Variants in STON2 observed in about 807,000 individuals in gnomAD.
STON2 encodes stonin 2.
A neutral mutation model predicts 65.7 loss-of-function variants in STON2; 29 were observed. The observed-to-expected ratio is 0.44, with a 90% CI of 0.33 to 0.60. The LOEUF is 0.60. Ranked by LOEUF, STON2 falls within the 20% of genes least tolerant of loss-of-function variation. The pLI is 0.03. For synonymous variants in STON2, 404 were observed against 414.2 expected (o/e 0.98, Z 0.30); for missense variants, 1,054 against 1,118.1 (o/e 0.94, Z 0.82).
intron 2 of STON2, among the ~76,000 whole-genome samples, chr14:81,415,420 G>C (rs1283219672): frequency 6.6e-6 from 1 of 152,008 alleles, no homozygotes; most frequent in Non-Finnish European, 1.5e-5. Context: ...ACAATTCATT[G>C]ACTCATTCAT....
At position 81,278,214 on chromosome 14, in the gene STON2, G is replaced by C; in HGVS notation, c.1268C>G (p.Ala423Gly). 6.2e-7 allele frequency: 1 copy of C among 1,614,174 alleles called. No homozygotes were observed. Among genetic ancestry groups the C allele is most frequent in the Non-Finnish European group, 8.5e-7 (1 of 1,180,032 alleles). The change falls in exon 6 of 8, where the codon GCC (alanine) becomes GGC (glycine). Residue 423 changes from alanine (A) to glycine (G), a missense_variant. Transcript: ENST00000614646. ...RDSLIVIYQD[A>G]ISFDDSSKTQ... Reference sequence around the variant, plus strand: ...TTTGCTTGAATCATCAAAACTGATGGCATCCTGGTAGATGACAATGAGGGA... The same window carrying C: ...TTTGCTTGAATCATCAAAACTGATGCCATCCTGGTAGATGACAATGAGGGA...
intron 2 of STON2, among the ~76,000 whole-genome samples, chr14:81,422,596 T>C (rs1369549687): frequency 1.3e-5 from 2 of 152,102 alleles, no homozygotes; most frequent in Admixed American, 6.5e-5. Context: ...TGAGTGTGCT[T>C]GAGAAAGGAG....
intron 4 of STON2, among the ~76,000 whole-genome samples, chr14:81,365,957 T>C (rs59889460): frequency 0.022 from 3,410 of 152,238 alleles, 142 homozygotes; most frequent in African/African-American, 0.077. Flanking sequence ...CTACCCTGAC[T>C]GGTGAAAATA....
At chr14:81,422,165 C>G (rs1388822777) in intron 2 of STON2, among the ~76,000 whole-genome samples, 1 of 152,126 alleles carries the variant, frequency 6.6e-6, no homozygotes, top group African/African-American at 2.4e-5. Context: ...TGGTGGGGCT[C>G]AGTAAGAGGT....
intron 5 of STON2, among the ~76,000 whole-genome samples, chr14:81,301,814 A>G (rs1437167090): frequency 7.3e-6 from 1 of 137,274 alleles, no homozygotes; most frequent in East Asian, 2.1e-4. Flanking sequence ...TAGTTTTTGA[A>G]CAAATAACTG....
intron 5 of STON2, among the ~76,000 whole-genome samples, chr14:81,310,383 G>T (rs1178541436): frequency 6.6e-6 from 1 of 152,074 alleles, no homozygotes; most frequent in Non-Finnish European, 1.5e-5. Context: ...CTCAAAATGG[G>T]TCATTTAATT....
At chr14:81,372,458 C>A (rs1347815035) in intron 3 of STON2, among the ~76,000 whole-genome samples, 1 of 151,072 alleles carries the variant, frequency 6.6e-6, no homozygotes. Context: ...GGGAGGCTGA[C>A]ACACAAGAAC....
intron 4 of STON2, among the ~76,000 whole-genome samples, chr14:81,332,221 G>C (rs904299717): frequency 4.1e-4 from 62 of 152,328 alleles, no homozygotes; most frequent in Non-Finnish European, 2.8e-4. Flanking sequence ...GTCTCTGAAA[G>C]TTATGAGAAT....
At chr14:81,301,440 A>C (rs1034967872) in intron 5 of STON2, among the ~76,000 whole-genome samples, 5 of 152,214 alleles carry the variant, frequency 3.3e-5, no homozygotes, top group African/African-American at 7.2e-5. Flanking sequence ...CAACAACCAC[A>C]ATACAGCAAA....
intron 5 of STON2, among the ~76,000 whole-genome samples, chr14:81,318,822 C>T (rs1326583488): frequency 6.6e-6 from 1 of 152,200 alleles, no homozygotes; most frequent in East Asian, 1.9e-4. Flanking sequence ...GCCTGGATGA[C>T]AGAGTGAGAC....
intron 4 of STON2, among the ~76,000 whole-genome samples, chr14:81,362,567 T>A (rs1011348926): frequency 6.6e-6 from 1 of 152,194 alleles, no homozygotes; most frequent in African/African-American, 2.4e-5. Context: ...CTTGAAAATA[T>A]ATTACATGGT....
chr14:81,343,078 C>T (rs912291606), intron 4 of STON2, among the ~76,000 whole-genome samples: 3 of 152,006 alleles, frequency 2.0e-5, no homozygotes, highest in South Asian at 2.1e-4. Context: ...ATACCAGTAC[C>T]GAGGGTTTAG....
Position 81,264,801 on chromosome 14 carries a change from A to C in STON2, c.*3613T>G, listed in dbSNP as rs1894292337. On this transcript the variant is annotated 3_prime_UTR_variant, in exon 8 of 8. Coordinates refer to ENST00000614646, the MANE Select transcript of STON2 (RefSeq NM_001394390.1). ...ATGAATGAAATGCAAACTTTTGATA[A>C]GGAATAACTAGTACTATGTCTGCAA... 1.0e-6 allele frequency: 1 copy of C among 985,342 alleles called. No homozygotes were observed. The highest frequency in any genetic ancestry group is 1.2e-6 in the Non-Finnish European group (1 of 829,948). 61.0% of individuals were successfully genotyped at this position (985,342 alleles called of 1,614,324 possible). A position where few individuals can be genotyped will look rare whatever the true frequency, so the allele number is the denominator to read the frequency against.
intron 3 of STON2, among the ~76,000 whole-genome samples, chr14:81,372,716 G>C (rs545362651): frequency 6.6e-6 from 1 of 152,178 alleles, no homozygotes; most frequent in South Asian, 2.1e-4. Flanking sequence ...CAAATGTCTT[G>C]TTTCATCCAT....
intron 5 of STON2, among the ~76,000 whole-genome samples, chr14:81,295,250 G>A (rs920763227): frequency 3.3e-5 from 5 of 152,112 alleles, no homozygotes; most frequent in Admixed American, 6.5e-5. Flanking sequence ...GCTTGAACCC[G>A]GGAGGCAGAG....
Position 81,396,070 on chromosome 14 carries a change from G to A in STON2, c.197C>T (p.Ser66Leu), listed in dbSNP as rs370549819. 1.7e-5 allele frequency: 28 copies of A among 1,613,430 alleles called. No homozygotes were observed. Among genetic ancestry groups the A allele is most frequent in the South Asian group, 1.4e-4 (13 of 90,496 alleles). ...VDGGSQDHSH[S>L]EQDDSSEKMG... The stretch of plus-strand genomic sequence containing the variant: ...CTTTTCAGAGGAGTCATCCTGCTCC[G>A]AGTGGGAATGGTCTTGAGAGCCTCC... Residue 66 changes from serine to leucine, a missense_variant, in exon 3 of 8, where the codon TCG (serine) becomes TTG (leucine). Coordinates refer to ENST00000614646, the MANE Select transcript of STON2 (RefSeq NM_001394390.1).
At chr14:81,274,519 T>G (rs547256646) in intron 6 of STON2, among the ~76,000 whole-genome samples, 2 of 152,014 alleles carry the variant, frequency 1.3e-5, no homozygotes, top group African/African-American at 2.4e-5. Flanking sequence ...TCTCTTCTGG[T>G]AGCAGTCTTT....
chr14:81,269,690 C>A (rs564944091), intron 7 of STON2: 1 of 985,148 alleles, frequency 1.0e-6, no homozygotes, highest in Admixed American at 6.1e-5. Flanking sequence ...AATAAATCAC[C>A]ATATAAATCC....
At chr14:81,341,446 G>GTTTTTTTTTTTTTTTTTTTTT (rs748642462) in intron 4 of STON2, among the ~76,000 whole-genome samples, 2 of 115,752 alleles carry the variant, frequency 1.7e-5, no homozygotes, top group Non-Finnish European at 1.7e-5. Context: ...TTTTATAAGT[G>GTTTTTTTTTTTTTTTTTTTTT]TTTTTTTTTT....
Sources: allele counts gnomAD v4.1 joint callset (sites outside exome capture counted in the v4.1 genomes callset), GRCh38; gene constraint gnomAD v4.1.1; transcripts MANE v1.5; gene names NCBI Gene and HGNC (gene_info 2026-07-23, HGNC 2026-07-21).